NSF: variants seen among roughly 807,000 people sequenced by gnomAD.
NSF encodes the protein N-ethylmaleimide sensitive factor, vesicle fusing ATPase.
In NSF, 14 loss-of-function variants were observed where a neutral mutation model predicts 50.3. The observed-to-expected ratio is 0.28, with a 90% CI of 0.18 to 0.44. NSF has a LOEUF of 0.44. Ranked by LOEUF, NSF falls within the 20% of genes least tolerant of loss-of-function variation. The probability of loss-of-function intolerance (pLI) is 1.00; values close to 1 mark genes in which losing one functional copy is unlikely to be tolerated. For missense variants in NSF, 218 were observed against 504.3 expected, an observed-to-expected ratio of 0.43 and a Z score of 5.44; for synonymous variants, 109 against 175.7, an observed-to-expected ratio of 0.62 and a Z score of 3.00.
intron 15 of NSF, chr17:46,721,832 T>C: frequency 6.3e-7 from 1 of 1,596,234 alleles, no homozygotes; most frequent in Non-Finnish European, 8.6e-7. Context: ...CTTTTGCTTA[T>C]TTTTTGTACG....
chr17:46,703,722 T>TAA (rs1376495138), intron 12 of NSF, among the ~76,000 whole-genome samples: 33 of 128,870 alleles, frequency 2.6e-4, no homozygotes, highest in Non-Finnish European at 8.4e-5. Context: ...CAGAAAACCA[T>TAA]AAAATTTACC....
chr17:46,733,242 T>G (rs896716809), intron 17 of NSF, among the ~76,000 whole-genome samples: 1 of 152,196 alleles, frequency 6.6e-6, no homozygotes, highest in Non-Finnish European at 1.5e-5. Flanking sequence ...AGCCTTGGTC[T>G]TAATGTCAAG....
rs1386938970 is a variant in NSF, at chr17:46,704,907, C to G, written c.1470+53C>G. The G allele has an allele frequency of 1.9e-6, 3 of 1,555,992 alleles. No individual in the cohort carries two copies. In the East Asian group the frequency reaches 7.0e-5, roughly 36 times the overall value. On this transcript the variant is annotated intron_variant, in intron 13 of 20. Coordinates refer to ENST00000398238, the MANE Select transcript of NSF (RefSeq NM_006178.4). ...GGCCAAAAAGTAATGATAATAATAA[C>G]TCAGGCGAAAAGTAAGTGCCATTTA...
At chr17:46,716,007 T>C (rs2058765121) in intron 15 of NSF, among the ~76,000 whole-genome samples, 1 of 152,206 alleles carries the variant, frequency 6.6e-6, no homozygotes, top group Non-Finnish European at 1.5e-5. Context: ...GGGAAAAATA[T>C]TATTCTTTGT....
intron 17 of NSF, among the ~76,000 whole-genome samples, chr17:46,738,882 A>G (rs1433049895): frequency 3.6e-4 from 53 of 148,568 alleles, no homozygotes; most frequent in Middle Eastern, 3.5e-3. Context: ...CAGGAGGATC[A>G]CTTGAGTCCA....
At chr17:46,753,275 C>G (rs1233174752) in intron 19 of NSF, among the ~76,000 whole-genome samples, 1 of 152,218 alleles carries the variant, frequency 6.6e-6, no homozygotes, top group Non-Finnish European at 1.5e-5. Context: ...GGTGAAGTTT[C>G]TGTTTCACAG....
Position 46,755,930 on chromosome 17 carries a change from C to T in NSF, c.*107C>T. The T allele has an allele frequency of 9.4e-7, 1 of 1,066,766 alleles. No individual in the cohort carries two copies. The allele number at this position is 1,066,766 out of a possible 1,614,324, so 66.1% of individuals were successfully genotyped here. A position where few individuals can be genotyped will look rare whatever the true frequency, so the allele number is the denominator to read the frequency against. On this transcript the variant is annotated 3_prime_UTR_variant, in exon 21 of 21. Transcript: ENST00000398238. The stretch of plus-strand genomic sequence containing the variant: ...GATACTGGACTAAGTGGAACGTTCT[C>T]TACCTTCAACATGTGCTCGCTCTGC...
At position 46,696,316 on chromosome 17, in the gene NSF, C is replaced by A. The variant is rs1259641136; in HGVS notation, c.1374+1654C>A. Among the ~76,000 whole-genome samples the A allele has an allele frequency of 8.6e-5, 12 of 140,146 alleles. 2 individuals carry two copies. The highest frequency in any genetic ancestry group is 1.2e-4 in the Non-Finnish European group (8 of 67,750). 91.9% of individuals were successfully genotyped at this position (140,146 alleles called of 152,430 possible). On this transcript the variant is annotated intron_variant, in intron 12 of 20. Transcript: ENST00000398238. ...CTAGACCCTGTGCTAGGAGTTAATA[C>A]CCCGACTGCAAAGAAGTAAAGTACC...
intron 16 of NSF, among the ~76,000 whole-genome samples, chr17:46,727,120 G>A (rs1020325291): frequency 3.9e-5 from 6 of 152,128 alleles, no homozygotes; most frequent in Non-Finnish European, 5.9e-5. Flanking sequence ...CAGAGTAATT[G>A]TGAAGACAAA....
intron 9 of NSF, among the ~76,000 whole-genome samples, chr17:46,679,981 CTA>C (rs2058438989): frequency 7.0e-6 from 1 of 143,244 alleles, no homozygotes; most frequent in Non-Finnish European, 1.5e-5. Context: ...GGAGAAAATT[CTA>C]AACATTTTTG....
intron 13 of NSF, 90 bp from the exon 14 acceptor site, chr17:46,710,873 C>A: frequency 8.6e-7 from 1 of 1,159,854 alleles, no homozygotes; most frequent in Non-Finnish European, 1.2e-6. Context: ...TGATCAATAC[C>A]TTTAGCATGT....
At chr17:46,691,755 A>G (rs1325049332) in intron 9 of NSF, among the ~76,000 whole-genome samples, 1 of 151,416 alleles carries the variant, frequency 6.6e-6, no homozygotes, top group Non-Finnish European at 1.5e-5. Context: ...GTTAATCCCT[A>G]GTATTTTTTG....
rs570140005 is a variant in NSF at position 46,717,602 on chromosome 17, C to T, written c.1761+3616C>T. Among the ~76,000 whole-genome samples, 15 of 152,278 alleles carry T rather than the reference C, an allele frequency of 9.9e-5. No individual in the cohort carries two copies. The East Asian group carries it at 2.9e-3, about 29-fold the overall frequency. The stretch of plus-strand genomic sequence containing the variant: ...GGCATGTGCCCTGTAATGCCAGCTA[C>T]TCAGGAGGCTGAGGCAGGAGAATCG... On this transcript the variant is annotated intron_variant, in intron 15 of 20. Coordinates refer to ENST00000398238, the MANE Select transcript of NSF (RefSeq NM_006178.4).
intron 1 of NSF, among the ~76,000 whole-genome samples, chr17:46,598,927 T>TA (rs1358576734): frequency 7.1e-6 from 1 of 141,772 alleles, no homozygotes; most frequent in African/African-American, 2.7e-5. Flanking sequence ...ATGCAGTAGT[T>TA]ATTAGTTTTG....
chr17:46,729,897 C>CTA (rs772902812), intron 17 of NSF, among the ~76,000 whole-genome samples: 1 of 151,842 alleles, frequency 6.6e-6, no homozygotes, highest in Non-Finnish European at 1.5e-5. Flanking sequence ...GAAACATAAC[C>CTA]TATAATAGTC....
At chr17:46,752,764 C>CTTTTTTTCTT (rs1483554287) in intron 19 of NSF, among the ~76,000 whole-genome samples, 2 of 151,676 alleles carry the variant, frequency 1.3e-5, no homozygotes, top group Non-Finnish European at 2.9e-5. Context: ...CCCTCGGTAA[C>CTTTTTTTCTT]TTTTTTTCTT....
At chr17:46,708,823 T>TA (rs368512144) in intron 13 of NSF, among the ~76,000 whole-genome samples, 19,976 of 54,042 alleles carry the variant, frequency 0.37, 2,884 homozygotes, top group South Asian at 0.66. Context: ...TATATATATA[T>TA]TTTTTTTTTT....
chr17:46,598,439 G>A (rs1385845305), intron 1 of NSF, among the ~76,000 whole-genome samples: 7 of 151,440 alleles, frequency 4.6e-5, no homozygotes, highest in Admixed American at 2.6e-4. Flanking sequence ...TGGAGATTCA[G>A]CAGTCCCTTT....
At chr17:46,734,567 G>A (rs747872477) in intron 17 of NSF, among the ~76,000 whole-genome samples, 3 of 152,114 alleles carry the variant, frequency 2.0e-5, no homozygotes, top group Non-Finnish European at 2.9e-5. Context: ...ACATATCTCT[G>A]AGGACAAAGG....
Sources: gnomAD v4.1 joint callset for allele counts (sites outside exome capture counted in the v4.1 genomes callset) on GRCh38, gnomAD v4.1.1 for gene constraint, MANE v1.5 for transcripts, NCBI Gene and HGNC (gene_info 2026-07-23, HGNC 2026-07-21) for gene names.